Variants in ANO5 observed in about 807,000 individuals in gnomAD.
The protein encoded by ANO5 is anoctamin-5.
Under a neutral mutation model 121.0 loss-of-function variants are expected in ANO5, and 109 were observed. That is an observed-to-expected ratio of 0.90 (90% CI 0.77 to 1.06). The LOEUF is 1.06. ANO5 is among the 50% of genes least tolerant of loss of function. The pLI is 0.00. For missense variants in ANO5, 1,064 were observed against 1,078.5 expected, an observed-to-expected ratio of 0.99 and a Z score of 0.19; for synonymous variants, 406 against 359.9, an observed-to-expected ratio of 1.13 and a Z score of -1.45.
At chr11:22,252,421 A>G (rs1853856401) in intron 12 of ANO5, among the ~76,000 whole-genome samples, 1 of 152,184 alleles carries the variant, frequency 6.6e-6, no homozygotes, top group Non-Finnish European at 1.5e-5. Context: ...TACATCATAA[A>G]TAGAGGAGTG....
At chr11:22,260,508 C>G (rs900831708) in intron 15 of ANO5, among the ~76,000 whole-genome samples, 14 of 152,164 alleles carry the variant, frequency 9.2e-5, no homozygotes, top group African/African-American at 3.4e-4. Flanking sequence ...ATGAGACTTT[C>G]ATTATATACT....
intron 5 of ANO5, among the ~76,000 whole-genome samples, chr11:22,225,693 A>G (rs1039553442): frequency 3.3e-5 from 5 of 152,104 alleles, no homozygotes; most frequent in Non-Finnish European, 5.9e-5. Flanking sequence ...CTCTCTGTTT[A>G]TAAAGTTTTT....
chr11:22,272,659 G>A, intron 18 of ANO5, 125 bp from the exon 19 acceptor site: 3 of 875,108 alleles, frequency 3.4e-6, no homozygotes, highest in Non-Finnish European at 5.5e-6. Flanking sequence ...ACAGACGGAT[G>A]GAAGCCTGGA....
At chr11:22,204,486 C>T (rs991032840) in intron 2 of ANO5, among the ~76,000 whole-genome samples, 4 of 152,078 alleles carry the variant, frequency 2.6e-5, no homozygotes, top group African/African-American at 9.7e-5. Context: ...TGAGTGGTTT[C>T]AGGATGTCCT....
In ANO5 at chr11:22,251,049, T is replaced by A. The variant is rs200795147; in HGVS notation, c.1180+38T>A. 78 of 1,561,238 alleles carry A rather than the reference T, an allele frequency of 5.0e-5. No individual in the cohort carries two copies. The African/African-American group carries it at 9.7e-4, about 19-fold the overall frequency. On this transcript the variant is annotated intron_variant, in intron 12 of 21. Coordinates refer to ENST00000324559, the MANE Select transcript of ANO5 (RefSeq NM_213599.3). ...TCCCATAAAGAAACAGCTTTCTTCC[T>A]ATTAATGTGTTGTTTTGCCTCCATA...
At chr11:22,223,984 C>G (rs1235047580) in intron 5 of ANO5, among the ~76,000 whole-genome samples, 2 of 151,988 alleles carry the variant, frequency 1.3e-5, no homozygotes, top group Non-Finnish European at 2.9e-5. Flanking sequence ...AAGCCTCAGC[C>G]CTCATCTTAC....
intron 21 of ANO5, among the ~76,000 whole-genome samples, chr11:22,277,625 CT>C (rs1204947006): frequency 1.3e-5 from 2 of 151,138 alleles, no homozygotes; most frequent in African/African-American, 4.9e-5. Flanking sequence ...TTGTACTTTT[CT>C]TTTCTCCCTC....
chr11:22,220,317 T>C (rs1214646503), intron 4 of ANO5, among the ~76,000 whole-genome samples: 1 of 152,060 alleles, frequency 6.6e-6, no homozygotes, highest in African/African-American at 2.4e-5. Context: ...AAGTATTAGA[T>C]ATAAACTTTA....
intron 9 of ANO5, among the ~76,000 whole-genome samples, chr11:22,247,612 A>G (rs1441197386): frequency 6.6e-6 from 1 of 152,168 alleles, no homozygotes; most frequent in Non-Finnish European, 1.5e-5. Context: ...GGGTGTCTAG[A>G]AAGAGATACA....
intron 17 of ANO5, 71 bp from the exon 18 acceptor site, chr11:22,270,241 T>C: frequency 6.3e-7 from 1 of 1,575,976 alleles, no homozygotes; most frequent in Non-Finnish European, 8.7e-7. Flanking sequence ...TTTCCAGATC[T>C]AACACTCTGA....
intron 3 of ANO5, among the ~76,000 whole-genome samples, chr11:22,212,192 C>T (rs904076416): frequency 6.6e-6 from 1 of 151,630 alleles, no homozygotes; most frequent in Non-Finnish European, 1.5e-5. Flanking sequence ...CTTCCTAAAC[C>T]CTTGGAAGGG....
At chr11:22,249,999 T>C (rs1169022874) in intron 9 of ANO5, among the ~76,000 whole-genome samples, 2 of 152,196 alleles carry the variant, frequency 1.3e-5, no homozygotes, top group African/African-American at 4.8e-5. Flanking sequence ...TACTTATATC[T>C]GTTATCCCTT....
chr11:22,258,616 G>T (rs760124003), intron 14 of ANO5, among the ~76,000 whole-genome samples: 8 of 152,070 alleles, frequency 5.3e-5, no homozygotes, highest in African/African-American at 7.2e-5. Context: ...AAACTACCAC[G>T]CATATTAGCG....
intron 17 of ANO5, among the ~76,000 whole-genome samples, chr11:22,268,908 C>T (rs1854465939): frequency 6.6e-6 from 1 of 152,022 alleles, no homozygotes; most frequent in Admixed American, 6.6e-5. Flanking sequence ...GTCCCAGCTA[C>T]TTGAGAGGTG....
chr11:22,274,220 C>T (rs1340471852), intron 19 of ANO5, among the ~76,000 whole-genome samples: 2 of 151,264 alleles, frequency 1.3e-5, no homozygotes, highest in East Asian at 3.9e-4. Context: ...TTGAGTTAGT[C>T]TAAGAAAGTT....
Position 22,280,353 on chromosome 11 carries a change from A to T in ANO5, c.*588A>T, listed in dbSNP as rs968575628. Reference sequence around the variant, plus strand: ...TTCAACTACCATCAGAATCCCAGATAGTTCTTCCTGGTAAAGGCAGAATTC... The same window carrying T: ...TTCAACTACCATCAGAATCCCAGATTGTTCTTCCTGGTAAAGGCAGAATTC... On this transcript the variant is annotated 3_prime_UTR_variant, in exon 22 of 22. Transcript: ENST00000324559. 1 of 152,030 alleles carries T rather than the reference A, an allele frequency of 6.6e-6. No homozygotes were observed. Among genetic ancestry groups the T allele is most frequent in the Non-Finnish European group, 1.5e-5 (1 of 67,928 alleles). 9.4% of individuals were successfully genotyped at this position (152,030 alleles called of 1,614,324 possible).
intron 19 of ANO5, among the ~76,000 whole-genome samples, chr11:22,273,506 C>T (rs1417731572): frequency 1.5e-4 from 23 of 152,014 alleles, no homozygotes; most frequent in Admixed American, 1.5e-3. Flanking sequence ...GAATTGAAAT[C>T]ATAGAGCTTA....
chr11:22,262,166 T>C lies in ANO5; in HGVS notation c.1668T>C (p.Leu556=), dbSNP rs774778796. Residue 556 remains leucine, a synonymous_variant, in exon 16 of 22, where the codon CTT becomes CTC. Transcript: ENST00000324559. ...CATACCAGGAGTATGAGAGCAGTCT[T>C]ACCTTGAAAATGTTCCTGTTTCAGT... ...PRTYQEYESS[L]TLKMFLFQFV... is the part of the protein sequence containing the mutation. The C allele has an allele frequency of 6.2e-7, 1 of 1,614,012 alleles. No individual in the cohort carries two copies. Among genetic ancestry groups the C allele is most frequent in the East Asian group, 2.2e-5 (1 of 44,848 alleles).
At chr11:22,202,010 G>A (rs1263753635) in intron 1 of ANO5, among the ~76,000 whole-genome samples, 1 of 152,008 alleles carries the variant, frequency 6.6e-6, no homozygotes, top group Non-Finnish European at 1.5e-5. Flanking sequence ...AGACTAGTGG[G>A]CCAGACTTAA....
Sources: gnomAD v4.1 joint callset for allele counts (sites outside exome capture counted in the v4.1 genomes callset) on GRCh38, gnomAD v4.1.1 for gene constraint, MANE v1.5 for transcripts, NCBI Gene and HGNC (gene_info 2026-07-23, HGNC 2026-07-21) for gene names.